The following DUXA variants were observed in gnomAD, a reference collection of about 807,000 sequenced individuals.
DUXA encodes double homeobox protein A.
DUXA carries 25 observed loss-of-function variants against 27.5 expected under a neutral mutation model. The ratio of observed to expected loss-of-function variants is 0.91; its 90% CI spans 0.66 to 1.27. The LOEUF (loss-of-function observed/expected upper bound fraction) is 1.27, where lower values mean the gene tolerates loss of function less well. DUXA is among the 50% of genes most tolerant of loss of function. DUXA has a pLI of 0.00. For missense variants in DUXA, 247 were observed against 242.9 expected (o/e 1.02, Z -0.11); for synonymous variants, 90 against 80.5 (o/e 1.12, Z -0.63).
intron 1 of DUXA, among the ~76,000 whole-genome samples, chr19:57,163,358 G>A (rs1043163959): frequency 1.3e-5 from 2 of 151,960 alleles, no homozygotes; most frequent in Non-Finnish European, 2.9e-5. Flanking sequence ...GGTTGCCCAG[G>A]CTGTATGAGA....
intron 3 of DUXA, 85 bp from the exon 4 acceptor site, chr19:57,158,558 T>C: frequency 8.6e-6 from 13 of 1,507,582 alleles, no homozygotes; most frequent in Non-Finnish European, 1.2e-5. Flanking sequence ...GAACCCAAAC[T>C]TGTCACTCTC....
chr19:57,154,198 G>T lies in DUXA; in HGVS notation c.*214C>A, dbSNP rs1044657682. The T allele has an allele frequency of 2.0e-6, 1 of 505,312 alleles. No homozygotes were observed. Among genetic ancestry groups the T allele is most frequent in the Non-Finnish European group, 3.6e-6 (1 of 277,864 alleles). 31.3% of individuals were successfully genotyped at this position (505,312 alleles called of 1,614,324 possible). A position where few individuals can be genotyped will look rare whatever the true frequency, so the allele number is the denominator to read the frequency against. ...GCAGAGTCTTGCTATATGTTGTCCAGGCTGGTTTCAAACTCCTGAGCTCAA... is the reference window on the plus strand; with the variant it reads ...GCAGAGTCTTGCTATATGTTGTCCATGCTGGTTTCAAACTCCTGAGCTCAA... On this transcript the variant is annotated 3_prime_UTR_variant, in exon 6 of 6. Transcript: ENST00000554048.
rs1568462539 is a variant in DUXA at position 57,154,450 on chromosome 19, T to A, written c.577A>T (p.Thr193Ser). 1 of 1,613,776 alleles carries A rather than the reference T, an allele frequency of 6.2e-7. No individual in the cohort carries two copies. Among genetic ancestry groups the A allele is most frequent in the Admixed American group, 1.7e-5 (1 of 60,024 alleles). Reference protein sequence around the residue: ...AEDTQNGTNFTSDSHFSGART... With the variant: ...AEDTQNGTNFSSDSHFSGART... ...GCTCCAGAGAAATGAGAGTCACTAG[T>A]GAAGTTGGTGCCATTTTGTGTATCT... Residue 193 changes from threonine to serine, a missense_variant, in exon 6 of 6, where the codon ACT becomes TCT. Thr to Ser is a moderately conservative substitution (Grantham distance 58). Transcript: ENST00000554048.
chr19:57,158,589 G>A, intron 3 of DUXA, 116 bp from the exon 4 acceptor site: 1 of 1,260,766 alleles, frequency 7.9e-7, no homozygotes. Context: ...CGATCCCACT[G>A]ACTCCTCCTG....
intron 1 of DUXA, 132 bp downstream of exon 1, chr19:57,167,287 C>A: frequency 9.0e-7 from 1 of 1,112,398 alleles, no homozygotes; most frequent in South Asian, 1.4e-5. Context: ...TCAGAGAAAC[C>A]GGTTTTCCCC....
intron 1 of DUXA, among the ~76,000 whole-genome samples, chr19:57,163,886 C>T (rs1170960614): frequency 6.6e-6 from 1 of 152,110 alleles, no homozygotes; most frequent in Non-Finnish European, 1.5e-5. Context: ...TTTTACCTAT[C>T]GATGATTTTG....
At chr19:57,156,971 T>A (rs1162370926) in intron 4 of DUXA, among the ~76,000 whole-genome samples, 3 of 152,134 alleles carry the variant, frequency 2.0e-5, no homozygotes, top group Admixed American at 6.5e-5. Flanking sequence ...CAGCCACAAC[T>A]CTTAATAGTG....
chr19:57,159,512 C>G (rs959813660), intron 2 of DUXA, among the ~76,000 whole-genome samples: 2 of 151,914 alleles, frequency 1.3e-5, no homozygotes, highest in African/African-American at 4.8e-5. Context: ...CTCCTGAGTT[C>G]AAGTATTCTC....
At chr19:57,156,605 T>G (rs557559547) in intron 4 of DUXA, among the ~76,000 whole-genome samples, 27 of 152,106 alleles carry the variant, frequency 1.8e-4, no homozygotes, top group Admixed American at 5.9e-4. Flanking sequence ...GTCTCCCTGT[T>G]CCTCCTGCCT....
At chr19:57,154,625 G>C in intron 5 of DUXA, 143 bp from the exon 6 acceptor site, 2 of 573,898 alleles carry the variant, frequency 3.5e-6, no homozygotes, top group Non-Finnish European at 5.9e-6. Flanking sequence ...GTGCGGTGGC[G>C]CGATCTCGGC....
chr19:57,161,323 T>TAAAAAAAAAAA (rs2087020241), intron 1 of DUXA, among the ~76,000 whole-genome samples: 1 of 8,708 alleles, frequency 1.1e-4, no homozygotes, highest in African/African-American at 1.0e-3. Flanking sequence ...AGACTCTATC[T>TAAAAAAAAAAA]CAAAAAAAAA....
Position 57,160,735 on chromosome 19 carries a change from G to C in DUXA, c.88C>G (p.Leu30Val). ...TKFTEEQLKI[L>V]INTFNQKPYP... ...GGCTTTTGATTGAAGGTATTGATGAGGATTTTCAACTGTTCTTCTGTGAAT... is the reference window on the plus strand; with the variant it reads ...GGCTTTTGATTGAAGGTATTGATGACGATTTTCAACTGTTCTTCTGTGAAT... Residue 30 changes from leucine (L) to valine (V), a missense_variant, in exon 2 of 6, where the codon CTC becomes GTC. Physicochemically the swap from Leu to Val is conservative, Grantham distance 32. Coordinates refer to ENST00000554048, the MANE Select transcript of DUXA (RefSeq NM_001012729.2). The C allele has an allele frequency of 6.2e-7, 1 of 1,614,112 alleles. No homozygotes were observed. The highest frequency in any genetic ancestry group is 8.5e-7 in the Non-Finnish European group (1 of 1,180,018).
chr19:57,155,646 A>AAGATAGATAGATGATAGATAGAT (rs1555757946), intron 4 of DUXA, among the ~76,000 whole-genome samples: 1 of 144,012 alleles, frequency 6.9e-6, no homozygotes, highest in Non-Finnish European at 1.5e-5. Flanking sequence ...TGCCCAACCC[A>AAGATAGATAGATGATAGATAGAT]AGATAGATAG....
intron 1 of DUXA, among the ~76,000 whole-genome samples, chr19:57,161,142 G>T (rs1292815896): frequency 6.6e-6 from 1 of 151,626 alleles, no homozygotes; most frequent in Non-Finnish European, 1.5e-5. Context: ...TGGCCAACAT[G>T]ATGAAACTCC....
At chr19:57,166,678 G>C (rs1004269805) in intron 1 of DUXA, among the ~76,000 whole-genome samples, 2 of 152,166 alleles carry the variant, frequency 1.3e-5, no homozygotes, top group South Asian at 2.1e-4. Context: ...GTGGAAGCAG[G>C]GAGATCAGTT....
intron 1 of DUXA, among the ~76,000 whole-genome samples, chr19:57,165,327 A>ATATATATATATATG (rs2087047767): frequency 1.3e-5 from 1 of 77,768 alleles, no homozygotes; most frequent in African/African-American, 4.3e-5. Context: ...AAAAAAAAAT[A>ATATATATATATATG]TATATATATA....
At chr19:57,163,956 C>G (rs946157974) in intron 1 of DUXA, among the ~76,000 whole-genome samples, 5 of 152,194 alleles carry the variant, frequency 3.3e-5, no homozygotes, top group Non-Finnish European at 7.4e-5. Flanking sequence ...TGGCTCACAC[C>G]TATAATCCCA....
intron 4 of DUXA, 106 bp downstream of exon 4, chr19:57,158,222 C>G: frequency 7.3e-7 from 1 of 1,366,794 alleles, no homozygotes; most frequent in Non-Finnish European, 1.0e-6. Context: ...GTGAAAGACC[C>G]TGAAATGTGC....
rs1379779774 is a variant in DUXA, at chr19:57,165,320, AAAAAAT to A, written c.25+2093_25+2098del. 6.4e-3 allele frequency among the ~76,000 whole-genome samples: 618 copies of A among 96,624 alleles called. 5 individuals carry two copies. The highest frequency in any genetic ancestry group is 0.022 in the African/African-American group (601 of 27,750). The allele number at this position is 96,624 out of a possible 152,430, so 63.4% of individuals were successfully genotyped here. A position where few individuals can be genotyped will look rare whatever the true frequency, so the allele number is the denominator to read the frequency against. On this transcript the variant is annotated intron_variant, in intron 1 of 5. Transcript: ENST00000554048. ...CATTTCTGGAGTAGGAAAAAAAAAAAAAAAATATATATATATATATATATGTATATA... is the reference window on the plus strand; with the variant it reads ...CATTTCTGGAGTAGGAAAAAAAAAAAATATATATATATATATATGTATATA...
Sources: gnomAD v4.1 joint callset for allele counts (sites outside exome capture counted in the v4.1 genomes callset) on GRCh38, gnomAD v4.1.1 for gene constraint, MANE v1.5 for transcripts, NCBI Gene and HGNC (gene_info 2026-07-23, HGNC 2026-07-21) for gene names.